CMTR1: variants seen among roughly 807,000 people sequenced by gnomAD.
CMTR1 encodes cap methyltransferase 1, also known as cap-specific mRNA (nucleoside-2'-O-)-methyltransferase 1.
Under a neutral mutation model 107.0 loss-of-function variants are expected in CMTR1, and 39 were observed. That is an observed-to-expected ratio of 0.36 (90% CI 0.28 to 0.48). CMTR1 has a LOEUF of 0.48. CMTR1 is among the 20% of genes least tolerant of loss of function. The probability of loss-of-function intolerance (pLI) is 0.99; values close to 1 mark genes in which losing one functional copy is unlikely to be tolerated. For synonymous variants in CMTR1, 366 were observed against 379.5 expected (o/e 0.96, Z 0.41); for missense variants, 672 against 1,064.9 (o/e 0.63, Z 5.14).
At chr6:37,475,287 G>A in intron 18 of CMTR1, 34 bp from the exon 19 acceptor site, 1 of 1,557,098 alleles carries the variant, frequency 6.4e-7, no homozygotes, top group Non-Finnish European at 8.8e-7. Context: ...CTGACACCTG[G>A]CAGAGTGGGC....
intron 8 of CMTR1, among the ~76,000 whole-genome samples, chr6:37,456,758 TTTG>T (rs763196930): frequency 2.0e-5 from 3 of 152,132 alleles, no homozygotes; most frequent in Non-Finnish European, 4.4e-5. Context: ...AACTCAACCT[TTTG>T]TTGTTGTCAC....
rs376693255 is a variant in CMTR1, at chr6:37,458,033, T to C, written c.778-579T>C. On this transcript the variant is annotated intron_variant, in intron 8 of 23. Transcript: ENST00000373451. The surrounding 1 kb of genome is among the most constrained non-coding windows in gnomAD (Gnocchi z 4.7). ...GGAAAACACTCTGAGAGATAAAAAA[T>C]GTAGTCAGATACCCATAAATGTTTT... Among the ~76,000 whole-genome samples the C allele has an allele frequency of 1.6e-4, 24 of 152,162 alleles. No homozygotes were observed. The East Asian group carries it at 2.9e-3, about 18-fold the overall frequency.
At chr6:37,475,876 G>C in intron 19 of CMTR1, 1 of 536,948 alleles carries the variant, frequency 1.9e-6, no homozygotes, top group Non-Finnish European at 3.4e-6. Context: ...CACAGCTGAA[G>C]GCACACTTCA....
Position 37,478,472 on chromosome 6 carries a change from T to A in CMTR1, c.2217T>A (p.Asp739Glu). 6.2e-7 allele frequency: 1 copy of A among 1,614,160 alleles called. No individual in the cohort carries two copies. The highest frequency in any genetic ancestry group is 8.5e-7 in the Non-Finnish European group (1 of 1,180,014). ...GTPKLSYTGR[D>E]DRHFVPMGLY... ...CAAAGCTCAGCTACACAGGGCGTGA[T>A]GACCGGCACTTTGTACCCATGGGCC... Residue 739 changes from aspartate to glutamate, a missense_variant, in exon 22 of 24, where the codon GAT becomes GAA. By Grantham distance (45) the Asp-to-Glu change is conservative. This residue lies in a region of CMTR1 where 583 missense variants were observed against 968.4 expected (regional missense o/e 0.60). Transcript: ENST00000373451.
intron 8 of CMTR1, among the ~76,000 whole-genome samples, chr6:37,457,247 A>G (rs964512662): frequency 2.0e-5 from 3 of 150,196 alleles, no homozygotes; most frequent in East Asian, 3.9e-4. Context: ...AAACCTGGGG[A>G]GAGAGAGCGA....
intron 13 of CMTR1, among the ~76,000 whole-genome samples, chr6:37,466,113 T>G (rs1376577318): frequency 4.9e-5 from 6 of 122,220 alleles, no homozygotes; most frequent in African/African-American, 1.1e-4. Flanking sequence ...TTACAGTTTT[T>G]GTTTTTTTTT....
chr6:37,447,975 C>T (rs147617256), intron 4 of CMTR1, among the ~76,000 whole-genome samples: 2,555 of 151,998 alleles, frequency 0.017, 62 homozygotes, highest in African/African-American at 0.055. Context: ...CTTTGGGAGG[C>T]CAAGGCAGGT....
chr6:37,467,283 G>A (rs1761529393), intron 13 of CMTR1, among the ~76,000 whole-genome samples: 1 of 152,164 alleles, frequency 6.6e-6, no homozygotes, highest in Admixed American at 6.5e-5. Flanking sequence ...CATAGATTAT[G>A]TATATGTGTT....
chr6:37,446,779 C>T (rs1462119725), intron 4 of CMTR1, among the ~76,000 whole-genome samples: 3 of 152,194 alleles, frequency 2.0e-5, no homozygotes, highest in African/African-American at 7.2e-5. Flanking sequence ...AGGCAGTGTG[C>T]TCTCTGCTGA....
At chr6:37,447,059 G>A (rs1180925857) in intron 4 of CMTR1, among the ~76,000 whole-genome samples, 1 of 152,062 alleles carries the variant, frequency 6.6e-6, no homozygotes, top group Non-Finnish European at 1.5e-5. Context: ...ATTTATTTAT[G>A]TCCTATCTTA....
chr6:37,477,965 G>A (rs895658625), intron 21 of CMTR1, among the ~76,000 whole-genome samples: 9 of 152,346 alleles, frequency 5.9e-5, no homozygotes, highest in East Asian at 1.9e-4. Flanking sequence ...CCCAGCTCCC[G>A]CTGCTGAGAG....
chr6:37,475,970 G>A (rs1046905932), intron 19 of CMTR1, 156 bp from the exon 20 acceptor site: 60 of 675,520 alleles, frequency 8.9e-5, no homozygotes, highest in Non-Finnish European at 1.4e-4. Context: ...AGAAGGGCAG[G>A]GCGGGCTTCC....
intron 13 of CMTR1, among the ~76,000 whole-genome samples, chr6:37,465,313 A>C (rs1419702806): frequency 1.3e-5 from 2 of 151,898 alleles, no homozygotes; most frequent in African/African-American, 4.8e-5. Flanking sequence ...AACAATTTAT[A>C]TATATTGTTT....
chr6:37,431,696 T>C (rs1771377251), upstream of CMTR1, among the ~76,000 whole-genome samples: 1 of 152,046 alleles, frequency 6.6e-6, no homozygotes, highest in Non-Finnish European at 1.5e-5. Flanking sequence ...CATCAGGAAA[T>C]ATTTCGAGAT....
At chr6:37,444,578 T>A (rs190618155) in intron 3 of CMTR1, among the ~76,000 whole-genome samples, 2 of 152,310 alleles carry the variant, frequency 1.3e-5, no homozygotes, top group African/African-American at 4.8e-5. Flanking sequence ...CCATTTATTC[T>A]TTTTCTGAAA....
At chr6:37,435,801 G>A (rs1771516637) in intron 2 of CMTR1, 39 bp downstream of exon 2, 4 of 1,545,808 alleles carry the variant, frequency 2.6e-6, no homozygotes, top group Non-Finnish European at 2.6e-6. Context: ...CTGGCCATCT[G>A]GTTATTTGAA....
chr6:37,464,031 CAG>C (rs1761454624), intron 13 of CMTR1, among the ~76,000 whole-genome samples: 1 of 152,268 alleles, frequency 6.6e-6, no homozygotes, highest in East Asian at 1.9e-4. Context: ...TCCAATAACA[CAG>C]AGTGTTTAAG....
chr6:37,478,049 G>A (rs1419436587), intron 21 of CMTR1, among the ~76,000 whole-genome samples: 1 of 152,200 alleles, frequency 6.6e-6, no homozygotes, highest in Non-Finnish European at 1.5e-5. Flanking sequence ...GGTGCTCACA[G>A]AACTCAGTCT....
At chr6:37,460,746 TTAAG>T (rs1343047834) in intron 10 of CMTR1, among the ~76,000 whole-genome samples, 1 of 152,200 alleles carries the variant, frequency 6.6e-6, no homozygotes, top group Non-Finnish European at 1.5e-5. Flanking sequence ...TTAATCATTT[TTAAG>T]TGTTAACAGT....
Sources: gnomAD v4.1 joint callset for allele counts (sites outside exome capture counted in the v4.1 genomes callset) on GRCh38, gnomAD v4.1.1 for gene constraint, gnomAD v4.1.1 regional missense constraint, Gnocchi (gnomAD v3.1) non-coding constraint, MANE v1.5 for transcripts, NCBI Gene and HGNC (gene_info 2026-07-23, HGNC 2026-07-21) for gene names.